Variants in LMX1A observed in about 807,000 individuals in gnomAD.
The protein encoded by LMX1A is LIM homeobox transcription factor 1 alpha.
A neutral mutation model predicts 49.1 loss-of-function variants in LMX1A; 15 were observed. That is an observed-to-expected ratio of 0.31 (90% confidence interval 0.20 to 0.47). LMX1A has a LOEUF of 0.47. Among genes scored for constraint, LMX1A ranks in the 20% least tolerant of loss-of-function variants. LMX1A has a pLI of 1.00. For synonymous variants in LMX1A, 167 were observed against 185.7 expected, an observed-to-expected ratio of 0.90 and a Z score of 0.82; for missense variants, 372 against 475.8, an observed-to-expected ratio of 0.78 and a Z score of 2.03.
At chr1:165,340,689 G>A (rs1354332489) in intron 3 of LMX1A, among the ~76,000 whole-genome samples, 1 of 152,094 alleles carries the variant, frequency 6.6e-6, no homozygotes, top group Non-Finnish European at 1.5e-5. Context: ...ACTGCCTCCT[G>A]GACATCTCCA....
At chr1:165,332,440 T>C (rs1187513866) in intron 3 of LMX1A, among the ~76,000 whole-genome samples, 3 of 152,168 alleles carry the variant, frequency 2.0e-5, no homozygotes, top group African/African-American at 7.2e-5. Context: ...TAAGGCAATC[T>C]TTCCTATTTT....
At chr1:165,349,297 C>G (rs1369852041) in intron 3 of LMX1A, among the ~76,000 whole-genome samples, 1 of 152,228 alleles carries the variant, frequency 6.6e-6, no homozygotes, top group Non-Finnish European at 1.5e-5. Flanking sequence ...TCAGGGAAAA[C>G]TCCAAACTAA....
At chr1:165,242,929 C>CAAAAAAAAAA (rs35937155) in intron 4 of LMX1A, among the ~76,000 whole-genome samples, 9 of 115,172 alleles carry the variant, frequency 7.8e-5, no homozygotes, top group Non-Finnish European at 1.1e-4. Context: ...AACTCCACCT[C>CAAAAAAAAAA]AAAAAAAAAA....
chr1:165,258,116 A>AG (rs1340758621), intron 3 of LMX1A, among the ~76,000 whole-genome samples: 3 of 152,178 alleles, frequency 2.0e-5, no homozygotes, highest in Non-Finnish European at 4.4e-5. Context: ...CCTCTCCACC[A>AG]GGGGGCAGCA....
At chr1:165,217,929 T>C (rs1226742539) in intron 4 of LMX1A, among the ~76,000 whole-genome samples, 14 of 152,258 alleles carry the variant, frequency 9.2e-5, no homozygotes, top group Admixed American at 9.2e-4. Flanking sequence ...CTTCATGCTC[T>C]AGAGCTGGAG....
intron 4 of LMX1A, among the ~76,000 whole-genome samples, chr1:165,234,289 G>A (rs1221740818): frequency 6.6e-6 from 1 of 151,918 alleles, no homozygotes; most frequent in Admixed American, 6.6e-5. Flanking sequence ...TTTCATCGCC[G>A]GCAAGTTACC....
chr1:165,250,480 G>C (rs1653017844), intron 3 of LMX1A, among the ~76,000 whole-genome samples: 1 of 152,074 alleles, frequency 6.6e-6, no homozygotes, highest in Admixed American at 6.6e-5. Flanking sequence ...ATAAGCTCTT[G>C]AGGTGTGTAA....
chr1:165,269,025 C>T (rs79989789), intron 3 of LMX1A, among the ~76,000 whole-genome samples: 6,232 of 152,278 alleles, frequency 0.041, 431 homozygotes, highest in African/African-American at 0.14. Flanking sequence ...TACCTCATCC[C>T]TGGCTAAGCC....
chr1:165,308,427 A>G (rs971513304), intron 3 of LMX1A, among the ~76,000 whole-genome samples: 1 of 152,258 alleles, frequency 6.6e-6, no homozygotes, highest in Non-Finnish European at 1.5e-5. Flanking sequence ...TTTAGATACC[A>G]TGTGTATGTG....
intron 3 of LMX1A, among the ~76,000 whole-genome samples, chr1:165,325,888 G>T (rs1027645769): frequency 3.3e-5 from 5 of 152,156 alleles, no homozygotes; most frequent in African/African-American, 1.2e-4. Flanking sequence ...TATGATTGTT[G>T]TTGTTATTCT....
intron 3 of LMX1A, among the ~76,000 whole-genome samples, chr1:165,275,222 G>A (rs1393259819): frequency 1.3e-5 from 2 of 152,148 alleles, no homozygotes; most frequent in Non-Finnish European, 2.9e-5. Context: ...CACAGCACCC[G>A]ACAGCCCCGA....
chr1:165,347,643 G>A (rs2101769162), intron 3 of LMX1A, among the ~76,000 whole-genome samples: 1 of 152,372 alleles, frequency 6.6e-6, no homozygotes, highest in Non-Finnish European at 1.5e-5. Flanking sequence ...ATCTTTCCCT[G>A]TGGATGTGAT....
intron 2 of LMX1A, among the ~76,000 whole-genome samples, chr1:165,354,732 A>C (rs1392343129): frequency 1.3e-5 from 2 of 151,920 alleles, no homozygotes; most frequent in African/African-American, 2.4e-5. Context: ...GCTAAAAATA[A>C]ATAAATAAAA....
At chr1:165,250,518 A>G (rs547071280) in intron 3 of LMX1A, among the ~76,000 whole-genome samples, 3 of 152,288 alleles carry the variant, frequency 2.0e-5, no homozygotes, top group Non-Finnish European at 4.4e-5. Flanking sequence ...CTAGTTTTTG[A>G]GAAACTGCAT....
At chr1:165,235,641 G>A (rs1420661334) in intron 4 of LMX1A, among the ~76,000 whole-genome samples, 1 of 152,088 alleles carries the variant, frequency 6.6e-6, no homozygotes, top group African/African-American at 2.4e-5. Context: ...GGGCGGCGCG[G>A]ACCCGGGACG....
intron 4 of LMX1A, among the ~76,000 whole-genome samples, chr1:165,225,706 T>A (rs2102616025): frequency 6.6e-6 from 1 of 152,362 alleles, no homozygotes; most frequent in South Asian, 2.1e-4. Context: ...AGTTGCTGAT[T>A]CAGTGGGTCT....
chr1:165,222,401 T>C (rs1366276580), intron 4 of LMX1A, among the ~76,000 whole-genome samples: 1 of 152,252 alleles, frequency 6.6e-6, no homozygotes, highest in Non-Finnish European at 1.5e-5. Flanking sequence ...GTGTTTGTCC[T>C]AATTTGGGAA....
chr1:165,258,523 T>G (rs999512852), intron 3 of LMX1A, among the ~76,000 whole-genome samples: 2 of 152,112 alleles, frequency 1.3e-5, no homozygotes, highest in African/African-American at 4.8e-5. Flanking sequence ...AAACAATAAG[T>G]GGCTGGCAGA....
At chr1:165,276,921 G>C (rs1343554) in intron 3 of LMX1A, among the ~76,000 whole-genome samples, 22,954 of 152,220 alleles carry the variant, frequency 0.15, 1,909 homozygotes, top group African/African-American at 0.2. Context: ...AAGAGATACA[G>C]AGAGGTAAAG....
Sources: allele counts gnomAD v4.1 joint callset (sites outside exome capture counted in the v4.1 genomes callset), GRCh38; gene constraint gnomAD v4.1.1; transcripts MANE v1.5; gene names NCBI Gene and HGNC (gene_info 2026-07-23, HGNC 2026-07-21).